VAMP7: variants seen among roughly 807,000 people sequenced by gnomAD.
The protein encoded by VAMP7 is vesicle-associated membrane protein 7.
In VAMP7, 14 loss-of-function variants were observed where a neutral mutation model predicts 29.6. The observed-to-expected ratio is 0.47, with a 90% confidence interval of 0.31 to 0.74. The LOEUF (loss-of-function observed/expected upper bound fraction) is 0.74, where lower values mean the gene tolerates loss of function less well. Among genes scored for constraint, VAMP7 ranks in the 30% least tolerant of loss-of-function variants. The probability of loss-of-function intolerance (pLI) is 0.05; values close to 1 mark genes in which losing one functional copy is unlikely to be tolerated. For missense variants in VAMP7, 223 were observed against 262.4 expected (o/e 0.85, Z 1.04); for synonymous variants, 95 against 88.1 (o/e 1.08, Z -0.44).
At chrX:155,909,846 G>T (rs1400208198) in intron 5 of VAMP7, among the ~76,000 whole-genome samples, 1 of 151,848 alleles carries the variant, frequency 6.6e-6, no homozygotes, top group African/African-American at 2.4e-5. Flanking sequence ...CACATTTATG[G>T]GGTACGTGTG....
intron 6 of VAMP7, among the ~76,000 whole-genome samples, chrX:155,924,877 C>A (rs375030174): frequency 1.3e-5 from 2 of 152,158 alleles, no homozygotes; most frequent in Non-Finnish European, 2.9e-5. Context: ...CCTCTCAAAC[C>A]CTGCTACTGC....
intron 5 of VAMP7, among the ~76,000 whole-genome samples, chrX:155,909,292 A>G (rs2066199205): frequency 6.6e-6 from 1 of 151,966 alleles, no homozygotes; most frequent in South Asian, 2.1e-4. Context: ...TTCCCCTAAG[A>G]TCCTCTTCAT....
intron 1 of VAMP7, among the ~76,000 whole-genome samples, chrX:155,883,927 G>T (rs2065835523): frequency 2.6e-5 from 4 of 151,398 alleles, no homozygotes; most frequent in Admixed American, 2.6e-4. Flanking sequence ...TTTTGGTCAG[G>T]CTGGTCTCGA....
intron 1 of VAMP7, among the ~76,000 whole-genome samples, chrX:155,882,862 A>C (rs2065819819): frequency 6.6e-6 from 1 of 152,186 alleles, no homozygotes; most frequent in Non-Finnish European, 1.5e-5. Context: ...GGTAAAATAG[A>C]CACTTTGACC....
At chrX:155,907,788 G>T (rs1267669138) in intron 5 of VAMP7, among the ~76,000 whole-genome samples, 2 of 152,162 alleles carry the variant, frequency 1.3e-5, no homozygotes, top group African/African-American at 2.4e-5. Flanking sequence ...GAGCTATTGG[G>T]TACACCTCCC....
At chrX:155,885,748 C>G (rs1425342278) in intron 1 of VAMP7, among the ~76,000 whole-genome samples, 2 of 152,086 alleles carry the variant, frequency 1.3e-5, no homozygotes, top group African/African-American at 2.4e-5. Context: ...TGCTGCACCT[C>G]CAAGCCAAGG....
chrX:155,897,888 G>C (rs1177393845), intron 3 of VAMP7, among the ~76,000 whole-genome samples: 1 of 152,080 alleles, frequency 6.6e-6, no homozygotes, highest in Non-Finnish European at 1.5e-5. Context: ...AGATATATCT[G>C]GATTCATTCT....
chrX:155,931,373 T>C (rs1304690039), intron 6 of VAMP7, among the ~76,000 whole-genome samples: 1 of 152,146 alleles, frequency 6.6e-6, no homozygotes, highest in Non-Finnish European at 1.5e-5. Context: ...CCAGCACCTG[T>C]TGTTTCCTGA....
At chrX:155,937,257 CAGTG>C (rs1452392025) in intron 6 of VAMP7, among the ~76,000 whole-genome samples, 7 of 152,064 alleles carry the variant, frequency 4.6e-5, no homozygotes, top group South Asian at 2.1e-4. Context: ...CAGTGGTTGA[CAGTG>C]GGTGGGAGAC....
chrX:155,942,264 C>A lies in VAMP7; in HGVS notation c.*313C>A. On this transcript the variant is annotated 3_prime_UTR_variant, in exon 8 of 8. Transcript: ENST00000286448. The stretch of plus-strand genomic sequence containing the variant: ...TGTTTTTAATTGCTCAAAGCTGTCG[C>A]CGCTAGTCTTATGAGCTATCTACTA... 1 of 1,245,668 alleles carries A rather than the reference C, an allele frequency of 8.0e-7. No homozygotes were observed. The highest frequency in any genetic ancestry group is 1.5e-5 in the African/African-American group (1 of 65,692). 77.2% of individuals were successfully genotyped at this position (1,245,668 alleles called of 1,614,324 possible). A position where few individuals can be genotyped will look rare whatever the true frequency, so the allele number is the denominator to read the frequency against.
intron 3 of VAMP7, among the ~76,000 whole-genome samples, chrX:155,897,437 C>T (rs979915901): frequency 1.3e-4 from 20 of 152,166 alleles, no homozygotes; most frequent in African/African-American, 4.6e-4. Context: ...TGTGAAATGA[C>T]TGATGTGAAA....
chrX:155,913,782 A>G (rs755738098), intron 5 of VAMP7, among the ~76,000 whole-genome samples: 11 of 152,228 alleles, frequency 7.2e-5, no homozygotes, highest in African/African-American at 2.6e-4. Flanking sequence ...GTAGCCTTGT[A>G]GTATAATTTG....
intron 5 of VAMP7, among the ~76,000 whole-genome samples, chrX:155,902,645 G>C (rs2066081954): frequency 6.6e-6 from 1 of 152,120 alleles, no homozygotes; most frequent in African/African-American, 2.4e-5. Flanking sequence ...TTTTGTCTTT[G>C]GTTCCGTTTA....
chrX:155,903,909 T>A (rs1369940700), intron 5 of VAMP7, among the ~76,000 whole-genome samples: 2 of 152,086 alleles, frequency 1.3e-5, no homozygotes, highest in African/African-American at 4.8e-5. Flanking sequence ...TGCACACGTA[T>A]GTTTATAGCG....
chrX:155,892,846 G>A (rs2065941366), intron 2 of VAMP7, among the ~76,000 whole-genome samples: 2 of 151,898 alleles, frequency 1.3e-5, no homozygotes, highest in African/African-American at 4.8e-5. Flanking sequence ...TCCACTTCCT[G>A]GGTTCAAGTG....
chrX:155,926,665 G>A (rs1230194505), intron 6 of VAMP7, among the ~76,000 whole-genome samples: 1 of 152,186 alleles, frequency 6.6e-6, no homozygotes, highest in Non-Finnish European at 1.5e-5. Context: ...TTTCCTTCAA[G>A]AACTGTTCTT....
chrX:155,936,278 C>T (rs561357330), intron 6 of VAMP7, among the ~76,000 whole-genome samples: 37 of 152,286 alleles, frequency 2.4e-4, no homozygotes, highest in South Asian at 1.2e-3. Flanking sequence ...TTTTGTTCAG[C>T]TATGCCCTGC....
At chrX:155,902,765 G>A (rs1370861022) in intron 5 of VAMP7, among the ~76,000 whole-genome samples, 4 of 149,860 alleles carry the variant, frequency 2.7e-5, no homozygotes, top group African/African-American at 9.8e-5. Context: ...GCTGGATTCG[G>A]TTTGCCAGTA....
chrX:155,887,613 T>G (rs1422180652), intron 1 of VAMP7, among the ~76,000 whole-genome samples: 1 of 152,080 alleles, frequency 6.6e-6, no homozygotes, highest in East Asian at 1.9e-4. Flanking sequence ...GGAGCAGAGA[T>G]AATGCGTAAC....
Sources: allele counts gnomAD v4.1 joint callset (sites outside exome capture counted in the v4.1 genomes callset), GRCh38; gene constraint gnomAD v4.1.1; transcripts MANE v1.5; gene names NCBI Gene and HGNC (gene_info 2026-07-23, HGNC 2026-07-21).